TASP1: variants seen among roughly 807,000 people sequenced by gnomAD.
TASP1 encodes taspase 1.
Under a neutral mutation model 56.6 loss-of-function variants are expected in TASP1, and 16 were observed. The ratio of observed to expected loss-of-function variants is 0.28; its 90% confidence interval spans 0.19 to 0.43. The LOEUF is 0.43. TASP1 is among the 20% of genes least tolerant of loss of function. The probability of loss-of-function intolerance (pLI) is 1.00; values close to 1 mark genes in which losing one functional copy is unlikely to be tolerated. For synonymous variants in TASP1, 179 were observed against 184.2 expected, an observed-to-expected ratio of 0.97 and a Z score of 0.23; for missense variants, 393 against 511.6, an observed-to-expected ratio of 0.77 and a Z score of 2.24.
intron 11 of TASP1, among the ~76,000 whole-genome samples, chr20:13,473,560 C>CTTGT (rs552181763): frequency 5.9e-5 from 9 of 152,180 alleles, no homozygotes; most frequent in East Asian, 1.9e-4. Flanking sequence ...AGAAAAATTG[C>CTTGT]TTGTTTGTTT....
intron 2 of TASP1, 21 bp downstream of exon 2, chr20:13,629,913 C>T: frequency 6.2e-7 from 1 of 1,612,914 alleles, no homozygotes; most frequent in Non-Finnish European, 8.5e-7. Context: ...TGGCATCTTC[C>T]AAGCCATCCA....
intron 11 of TASP1, among the ~76,000 whole-genome samples, chr20:13,438,486 C>T (rs930034435): frequency 1.3e-5 from 2 of 152,282 alleles, no homozygotes; most frequent in Non-Finnish European, 2.9e-5. Context: ...CTTCCTTATA[C>T]CTTATACAAA....
intron 1 of TASP1, among the ~76,000 whole-genome samples, chr20:13,636,964 T>C (rs1198153215): frequency 6.6e-6 from 1 of 151,998 alleles, no homozygotes; most frequent in Non-Finnish European, 1.5e-5. Flanking sequence ...GGACAACCCA[T>C]AAAATGGGAG....
intron 4 of TASP1, among the ~76,000 whole-genome samples, chr20:13,617,730 A>G (rs1208996924): frequency 6.6e-6 from 1 of 152,202 alleles, no homozygotes; most frequent in African/African-American, 2.4e-5. Flanking sequence ...CTTTTCTGCA[A>G]TAAAAACCAA....
the TASP1 span, among the ~76,000 whole-genome samples, chr20:13,268,502 C>T: frequency 2.0e-5 from 3 of 152,096 alleles, no homozygotes; most frequent in African/African-American, 4.8e-5. Context: ...TGCCAGGAGA[C>T]GAAAACCATG....
chr20:13,483,364 G>A lies in TASP1; in HGVS notation c.875-27C>T, dbSNP rs758415188. 2.0e-6 allele frequency: 3 copies of A among 1,502,336 alleles called. No homozygotes were observed. The Admixed American group carries it at 6.0e-5, about 30-fold the overall frequency. The allele number at this position is 1,502,336 out of a possible 1,614,324, so 93.1% of individuals were successfully genotyped here. A position where few individuals can be genotyped will look rare whatever the true frequency, so the allele number is the denominator to read the frequency against. On this transcript the variant is annotated intron_variant, in intron 10 of 13. Transcript: ENST00000337743. ...TAGAAATCCAAAGAAACCAACAGTTGAGGAAAAGCAGCACCGAACACCCTG... is the reference window on the plus strand; with the variant it reads ...TAGAAATCCAAAGAAACCAACAGTTAAGGAAAAGCAGCACCGAACACCCTG...
At chr20:13,287,702 T>G in the TASP1 span, among the ~76,000 whole-genome samples, 1 of 152,210 alleles carries the variant, frequency 6.6e-6, no homozygotes. Flanking sequence ...CCAAGAATTG[T>G]GCCTGACATA....
At chr20:13,438,895 A>G (rs1365000601) in intron 11 of TASP1, among the ~76,000 whole-genome samples, 4 of 152,258 alleles carry the variant, frequency 2.6e-5, no homozygotes, top group African/African-American at 4.8e-5. Flanking sequence ...GCCAAAAGAC[A>G]CATGAAAAAA....
At chr20:13,294,763 C>T in the TASP1 span, among the ~76,000 whole-genome samples, 4 of 152,340 alleles carry the variant, frequency 2.6e-5, no homozygotes, top group South Asian at 8.3e-4. Flanking sequence ...AGCACCTCGA[C>T]ACTCTTGGGT....
chr20:13,255,925 GT>G, the TASP1 span, among the ~76,000 whole-genome samples: 55,854 of 147,846 alleles, frequency 0.38, 10,719 homozygotes, highest in East Asian at 0.61. Flanking sequence ...AGTTCCTGGG[GT>G]TTTTTTTTTT....
chr20:13,491,497 C>G (rs991127820), intron 10 of TASP1, among the ~76,000 whole-genome samples: 1 of 152,148 alleles, frequency 6.6e-6, no homozygotes. Flanking sequence ...TGAACATGAA[C>G]AGATGCCATG....
chr20:13,447,888 A>G (rs1413857566), intron 11 of TASP1, among the ~76,000 whole-genome samples: 3 of 152,132 alleles, frequency 2.0e-5, no homozygotes, highest in East Asian at 3.9e-4. Flanking sequence ...CTTGGCTATT[A>G]TGTGTTGCAA....
At chr20:13,357,665 T>A in the TASP1 span, among the ~76,000 whole-genome samples, 1 of 151,964 alleles carries the variant, frequency 6.6e-6, no homozygotes, top group African/African-American at 2.4e-5. Flanking sequence ...CCAAGAGAAA[T>A]GAAAATATAT....
At chr20:13,521,998 G>A (rs1451087948) in intron 10 of TASP1, among the ~76,000 whole-genome samples, 2 of 152,140 alleles carry the variant, frequency 1.3e-5, no homozygotes, top group Non-Finnish European at 2.9e-5. Flanking sequence ...TGAGGTGAGA[G>A]TGGGGGCTTG....
chr20:13,506,362 A>G (rs2044132058), intron 10 of TASP1, among the ~76,000 whole-genome samples: 1 of 152,182 alleles, frequency 6.6e-6, no homozygotes, highest in South Asian at 2.1e-4. Flanking sequence ...CAAAAAACCA[A>G]GTAAGAGGGA....
At chr20:13,481,174 T>C (rs2043127507) in intron 11 of TASP1, among the ~76,000 whole-genome samples, 1 of 152,162 alleles carries the variant, frequency 6.6e-6, no homozygotes, top group Non-Finnish European at 1.5e-5. Context: ...CATGTGATAT[T>C]TGTCTTTCTG....
chr20:13,534,725 T>C (rs1450778159), intron 8 of TASP1, among the ~76,000 whole-genome samples: 3 of 152,170 alleles, frequency 2.0e-5, no homozygotes, highest in African/African-American at 7.2e-5. Context: ...TGCTTGCCAA[T>C]TGTATGGCAG....
chr20:13,423,668 G>A (rs569995953), intron 12 of TASP1, among the ~76,000 whole-genome samples: 25 of 152,242 alleles, frequency 1.6e-4, no homozygotes, highest in South Asian at 4.1e-4. Context: ...TGGCAGCAAC[G>A]GTTCCTCCTG....
intron 11 of TASP1, among the ~76,000 whole-genome samples, chr20:13,460,027 A>G (rs1419956298): frequency 6.6e-6 from 1 of 152,146 alleles, no homozygotes; most frequent in Admixed American, 6.5e-5. Context: ...TTCTTCAAGA[A>G]AGGAAAAATT....
Sources: gnomAD v4.1 joint callset for allele counts (sites outside exome capture counted in the v4.1 genomes callset) on GRCh38, gnomAD v4.1.1 for gene constraint, MANE v1.5 for transcripts, NCBI Gene and HGNC (gene_info 2026-07-23, HGNC 2026-07-21) for gene names.